PTCHD4: variants seen among roughly 807,000 people sequenced by gnomAD.
The protein encoded by PTCHD4 is patched domain containing 4, also known as patched domain-containing protein 4.
In PTCHD4, 33 loss-of-function variants were observed where a neutral mutation model predicts 58.1. The observed-to-expected ratio is 0.57, with a 90% CI of 0.43 to 0.76. The LOEUF is 0.76. Among genes scored for constraint, PTCHD4 ranks in the 30% least tolerant of loss-of-function variants. The probability of loss-of-function intolerance (pLI) is 0.00; values close to 1 mark genes in which losing one functional copy is unlikely to be tolerated. For missense variants in PTCHD4, 1,058 were observed against 1,027.1 expected, an observed-to-expected ratio of 1.03 and a Z score of -0.41; for synonymous variants, 478 against 409.6, an observed-to-expected ratio of 1.17 and a Z score of -2.02.
chr6:48,074,406 G>A (rs1005680357), intron 1 of PTCHD4, among the ~76,000 whole-genome samples: 22 of 152,188 alleles, frequency 1.4e-4, no homozygotes, highest in African/African-American at 5.3e-4. Context: ...TGCTCCACAG[G>A]CAACACACGC....
At chr6:47,997,589 T>C (rs1453658832) in intron 4 of PTCHD4, among the ~76,000 whole-genome samples, 2 of 152,198 alleles carry the variant, frequency 1.3e-5, no homozygotes, top group Non-Finnish European at 2.9e-5. Flanking sequence ...CTTCTTTATA[T>C]TAAACTCAAA....
At chr6:48,060,080 G>T (rs959301822) in intron 3 of PTCHD4, among the ~76,000 whole-genome samples, 2 of 152,108 alleles carry the variant, frequency 1.3e-5, no homozygotes, top group African/African-American at 4.8e-5. Flanking sequence ...GCTCCCGGAG[G>T]GCAAGGACCA....
At position 47,862,375 on chromosome 6, in the gene PTCHD4, T is replaced by C. The variant is rs772203931; in HGVS notation, c.*15928A>G. Among the ~76,000 whole-genome samples, 1 of 151,846 alleles carries C rather than the reference T, an allele frequency of 6.6e-6. No homozygotes were observed. Among genetic ancestry groups the C allele is most frequent in the Non-Finnish European group, 1.5e-5 (1 of 67,854 alleles). Reference sequence around the variant, plus strand: ...GGCTGCTTTCCCCCTTTTCCCTTCATTGAAGTTCTCCAAGAAATAACCTTC... The same window carrying C: ...GGCTGCTTTCCCCCTTTTCCCTTCACTGAAGTTCTCCAAGAAATAACCTTC... On this transcript the variant is annotated 3_prime_UTR_variant, in exon 5 of 5. Transcript: ENST00000339488.
At chr6:48,098,342 C>CTT (rs776103767) in intron 1 of PTCHD4, among the ~76,000 whole-genome samples, 9 of 140,260 alleles carry the variant, frequency 6.4e-5, no homozygotes, top group African/African-American at 2.3e-4. Flanking sequence ...TCTTCTTCTT[C>CTT]TTTTTTTTTT....
intron 3 of PTCHD4, among the ~76,000 whole-genome samples, chr6:48,018,743 TGA>T (rs1762952733): frequency 6.6e-6 from 1 of 152,254 alleles, no homozygotes; most frequent in African/African-American, 2.4e-5. Context: ...CTTACATGAA[TGA>T]GTCTTTCACA....
chr6:47,938,752 G>A (rs1766104834), intron 4 of PTCHD4, among the ~76,000 whole-genome samples: 1 of 152,200 alleles, frequency 6.6e-6, no homozygotes, highest in Non-Finnish European at 1.5e-5. Flanking sequence ...GGCAGAATTA[G>A]ATTTAACTAT....
intron 3 of PTCHD4, among the ~76,000 whole-genome samples, chr6:48,064,454 C>T (rs1764730413): frequency 6.6e-6 from 1 of 152,050 alleles, no homozygotes; most frequent in Non-Finnish European, 1.5e-5. Context: ...TCACTTTAAT[C>T]AAGAGGTAGA....
intron 3 of PTCHD4, among the ~76,000 whole-genome samples, chr6:48,025,508 G>A (rs1763213815): frequency 6.6e-6 from 1 of 152,122 alleles, no homozygotes; most frequent in Admixed American, 6.6e-5. Flanking sequence ...AGAATTCAAG[G>A]TGACTATGTC....
At chr6:47,914,724 A>G (rs112659097) in intron 4 of PTCHD4, among the ~76,000 whole-genome samples, 83,732 of 147,132 alleles carry the variant, frequency 0.57, 24,781 homozygotes, top group East Asian at 0.76. Flanking sequence ...CTGTCTGTCT[A>G]TCTATCTATT....
intron 4 of PTCHD4, among the ~76,000 whole-genome samples, chr6:47,912,049 A>G (rs1240067487): frequency 6.6e-6 from 1 of 152,096 alleles, no homozygotes; most frequent in East Asian, 1.9e-4. Flanking sequence ...GGCATGATCA[A>G]TTGTGTCAAA....
At chr6:47,968,675 T>A (rs1197431719) in intron 4 of PTCHD4, among the ~76,000 whole-genome samples, 1 of 152,156 alleles carries the variant, frequency 6.6e-6, no homozygotes, top group African/African-American at 2.4e-5. Context: ...CAGTCTCAAA[T>A]AGTATTTTTT....
intron 1 of PTCHD4, among the ~76,000 whole-genome samples, chr6:48,079,247 G>T (rs1027924365): frequency 1.3e-5 from 2 of 152,054 alleles, no homozygotes; most frequent in Admixed American, 1.3e-4. Flanking sequence ...GCTTATTAAG[G>T]ATGAGTTTCT....
chr6:48,107,497 C>G (rs986902707), intron 1 of PTCHD4, among the ~76,000 whole-genome samples: 1 of 152,090 alleles, frequency 6.6e-6, no homozygotes, highest in East Asian at 1.9e-4. Context: ...CATAAAAACC[C>G]TAGAAGAAAA....
At chr6:47,972,319 A>C (rs1033358840) in intron 4 of PTCHD4, among the ~76,000 whole-genome samples, 5 of 152,214 alleles carry the variant, frequency 3.3e-5, no homozygotes, top group African/African-American at 1.2e-4. Context: ...AAGTGGGAGG[A>C]TAATGGTTAT....
intron 3 of PTCHD4, among the ~76,000 whole-genome samples, chr6:48,018,781 C>T (rs546618089): frequency 1.7e-4 from 26 of 152,172 alleles, no homozygotes; most frequent in Non-Finnish European, 2.9e-4. Context: ...TTCTTAAAAG[C>T]AGGCATTCCG....
chr6:48,100,738 T>A lies in PTCHD4; in HGVS notation c.-970+10311A>T, dbSNP rs1582138882. On this transcript the variant is annotated intron_variant, in intron 1 of 4. Transcript: ENST00000339488. Reference sequence around the variant, plus strand: ...ATTCTGTCGACACGGAGGGTCACTTTCCTCTCATTGTTCTGTGTGTTTCTT... The same window carrying A: ...ATTCTGTCGACACGGAGGGTCACTTACCTCTCATTGTTCTGTGTGTTTCTT... Among the ~76,000 whole-genome samples the A allele has an allele frequency of 2.6e-5, 4 of 152,332 alleles. No individual in the cohort carries two copies. In the South Asian group the frequency reaches 8.3e-4, roughly 32 times the overall value.
intron 4 of PTCHD4, among the ~76,000 whole-genome samples, chr6:47,907,304 G>C (rs1343168574): frequency 6.6e-6 from 1 of 152,166 alleles, no homozygotes; most frequent in South Asian, 2.1e-4. Flanking sequence ...CACAACCACT[G>C]TGTAGAATGG....
intron 4 of PTCHD4, among the ~76,000 whole-genome samples, chr6:47,903,184 T>A (rs548937406): frequency 6.6e-6 from 1 of 152,302 alleles, no homozygotes; most frequent in Admixed American, 6.5e-5. Flanking sequence ...TTTTTTCAGC[T>A]TGACTAGTTT....
chr6:47,962,859 C>T (rs1055438752), intron 4 of PTCHD4, among the ~76,000 whole-genome samples: 2 of 150,826 alleles, frequency 1.3e-5, no homozygotes, highest in Non-Finnish European at 3.0e-5. Flanking sequence ...TAACAAATAA[C>T]CTGACTGAAA....
Sources: allele counts gnomAD v4.1 joint callset (sites outside exome capture counted in the v4.1 genomes callset), GRCh38; gene constraint gnomAD v4.1.1; transcripts MANE v1.5; gene names NCBI Gene and HGNC (gene_info 2026-07-23, HGNC 2026-07-21).